Variants in IRS2 observed in about 807,000 individuals in gnomAD.
The protein encoded by IRS2 is insulin receptor substrate 2.
Under a neutral mutation model 70.9 loss-of-function variants are expected in IRS2, and 28 were observed. That is an observed-to-expected ratio of 0.39 (90% confidence interval 0.29 to 0.54). IRS2 has a LOEUF of 0.54. IRS2 is among the 20% of genes least tolerant of loss of function. The pLI, the probability that IRS2 is intolerant of heterozygous loss-of-function variation, is 0.59. For synonymous variants in IRS2, 1,217 were observed against 981.9 expected (o/e 1.24, Z -4.48); for missense variants, 2,081 against 2,024.1 (o/e 1.03, Z -0.54).
rs985325000 is a variant in IRS2 at position 109,783,448 on chromosome 13, G to A, written c.2606C>T (p.Pro869Leu). 5.9e-6 allele frequency: 9 copies of A among 1,532,960 alleles called. No individual in the cohort carries two copies. In the African/African-American group the frequency reaches 8.3e-5, roughly 14 times the overall value. The allele number at this position is 1,532,960 out of a possible 1,614,324, so 95.0% of individuals were successfully genotyped here. A position where few individuals can be genotyped will look rare whatever the true frequency, so the allele number is the denominator to read the frequency against. The change falls in exon 1 of 2, where the codon CCC (proline) becomes CTC (leucine). Residue 869 changes from proline to leucine, a missense_variant. Pro to Leu is a moderately conservative substitution (Grantham distance 98). This residue lies in a region of IRS2 where 1,615 missense variants were observed against 1,459.5 expected (regional missense o/e 1.11). Coordinates refer to ENST00000375856, the MANE Select transcript of IRS2 (RefSeq NM_003749.3). Reference protein sequence around the residue: ...TQPPHPVVPSPVRPSGGRPEG... With the variant: ...TQPPHPVVPSLVRPSGGRPEG... ...CGGGCGGCCGCCGCTAGGCCGCACG[G>A]GCGAAGGCACTACAGGGTGAGGGGG... is the stretch of plus-strand genomic sequence containing the variant.
chr13:109,756,174 T>C lies in IRS2; in HGVS notation c.*130A>G, dbSNP rs2138908234. 2.9e-5 allele frequency: 24 copies of C among 823,580 alleles called. No individual in the cohort carries two copies. The South Asian group carries it at 3.1e-4, about 11-fold the overall frequency. 51.0% of individuals were successfully genotyped at this position (823,580 alleles called of 1,614,324 possible). ...CTCATCTAACAGAGTCCACAGATGT[T>C]TCCAAACACAGTCATTGCTCAGATC... On this transcript the variant is annotated 3_prime_UTR_variant, in exon 2 of 2. Transcript: ENST00000375856.
At chr13:109,772,821 G>A (rs113046169) in intron 1 of IRS2, among the ~76,000 whole-genome samples, 4,251 of 150,152 alleles carry the variant, frequency 0.028, 182 homozygotes, top group African/African-American at 0.097. Flanking sequence ...TCAGCCTCCC[G>A]AGTAGCTGGG....
Position 109,785,109 on chromosome 13 carries a change from G to T in IRS2, c.945C>A (p.His315Gln). The change falls in exon 1 of 2, where the codon CAC becomes CAA. Residue 315 changes from histidine (H) to glutamine (Q), a missense_variant. Coordinates refer to ENST00000375856, the MANE Select transcript of IRS2 (RefSeq NM_003749.3). The surrounding 1 kb of genome is among the most constrained non-coding windows in gnomAD (Gnocchi z 9.3). ...KSQSSGSSAT[H>Q]PISVPGARRH... is the part of the protein sequence containing the mutation. Reference sequence around the variant, plus strand: ...GGCGCGCGCCGGGGACGCTGATGGGGTGCGTGGCCGACGACCCCGACGATT... The same window carrying T: ...GGCGCGCGCCGGGGACGCTGATGGGTTGCGTGGCCGACGACCCCGACGATT... The T allele has an allele frequency of 6.3e-7, 1 of 1,591,444 alleles. No homozygotes were observed. The highest frequency in any genetic ancestry group is 8.5e-7 in the Non-Finnish European group (1 of 1,170,088).
chr13:109,759,462 G>T (rs1877182123), intron 1 of IRS2, among the ~76,000 whole-genome samples: 1 of 152,208 alleles, frequency 6.6e-6, no homozygotes, highest in Admixed American at 6.5e-5. Flanking sequence ...GCACACCTCA[G>T]ATTGGACCCA....
chr13:109,773,423 A>G (rs1877502178), intron 1 of IRS2, among the ~76,000 whole-genome samples: 1 of 152,218 alleles, frequency 6.6e-6, no homozygotes, highest in Admixed American at 6.5e-5. Context: ...TTATAGAACA[A>G]GCACCTGTCT....
In IRS2 at chr13:109,783,827, T is replaced by G. The variant is rs1424699751; in HGVS notation, c.2227A>C (p.Met743Leu). The change falls in exon 1 of 2, where the codon ATG becomes CTG. Residue 743 changes from methionine to leucine, a missense_variant. By Grantham distance (15) the Met-to-Leu change is conservative. Around this residue, in one of 4 missense-constraint regions of IRS2, gnomAD observed 1,615 missense variants for 1,459.5 expected, o/e 1.11. Transcript: ENST00000375856. Reference sequence around the variant, plus strand: ...AGCTTGGAACCGCACCACATGCGCATGTACCCACTGTCCTCGGGGGAGCTC... The same window carrying G: ...AGCTTGGAACCGCACCACATGCGCAGGTACCCACTGTCCTCGGGGGAGCTC... ...AESSPEDSGYMRMWCGSKLSM... is the reference protein window; with the variant it reads ...AESSPEDSGYLRMWCGSKLSM... The G allele has an allele frequency of 6.3e-7, 1 of 1,586,544 alleles. No homozygotes were observed. Among genetic ancestry groups the G allele is most frequent in the Admixed American group, 1.8e-5 (1 of 57,020 alleles).
In IRS2 at chr13:109,783,308, G is replaced by T. The variant is rs922485578; in HGVS notation, c.2746C>A (p.Pro916Thr). 1.3e-6 allele frequency: 2 copies of T among 1,546,726 alleles called. No individual in the cohort carries two copies. Among genetic ancestry groups the T allele is most frequent in the African/African-American group, 2.8e-5 (2 of 70,622 alleles). Reference protein sequence around the residue: ...EYPLPPEPKSPGEYINIDFGE... With the variant: ...EYPLPPEPKSTGEYINIDFGE... ...AAGTCGATGTTGATGTACTCGCCGG[G>T]GCTCTTGGGCTCCGGTGGCAGTGGG... Residue 916 changes from proline (P) to threonine (T), a missense_variant, in exon 1 of 2, where the codon CCC becomes ACC. Physicochemically the swap from Pro to Thr is conservative, Grantham distance 38. Coordinates refer to ENST00000375856, the MANE Select transcript of IRS2 (RefSeq NM_003749.3).
Position 109,784,584 on chromosome 13 carries a change from G to A in IRS2, c.1470C>T (p.Gly490=). The change falls in exon 1 of 2, where the codon GGC becomes GGT. Residue 490 remains glycine (G), a synonymous_variant. Transcript: ENST00000375856. The surrounding 1 kb of genome is among the most constrained non-coding windows in gnomAD (Gnocchi z 5.2). ...ACATGAAGCCGGGGTCGCTGGGGGA[G>A]CCCGAGGCGGAGGCGCTGCCGCTGG... ...RPSSGSASAS[G]SPSDPGFMSL... is the part of the protein sequence containing the mutation. 1 of 1,373,136 alleles carries A rather than the reference G, an allele frequency of 7.3e-7. No homozygotes were observed. The highest frequency in any genetic ancestry group is 9.4e-7 in the Non-Finnish European group (1 of 1,068,786). The allele number at this position is 1,373,136 out of a possible 1,614,324, so 85.1% of individuals were successfully genotyped here. A position where few individuals can be genotyped will look rare whatever the true frequency, so the allele number is the denominator to read the frequency against.
intron 1 of IRS2, among the ~76,000 whole-genome samples, chr13:109,768,523 A>G (rs535609842): frequency 6.6e-6 from 1 of 152,350 alleles, no homozygotes; most frequent in East Asian, 1.9e-4. Context: ...TTGGAATAAT[A>G]CTTTTTCTGC....
intron 1 of IRS2, among the ~76,000 whole-genome samples, chr13:109,776,395 A>G (rs932325141): frequency 1.3e-5 from 2 of 152,244 alleles, no homozygotes; most frequent in African/African-American, 2.4e-5. Context: ...TTGGACACAT[A>G]AAAGTGACTC....
intron 1 of IRS2, among the ~76,000 whole-genome samples, chr13:109,761,248 A>AATTCAT (rs1439053835): frequency 5.3e-5 from 8 of 152,264 alleles, no homozygotes; most frequent in Non-Finnish European, 1.2e-4. Flanking sequence ...GACCACCCAG[A>AATTCAT]GGCCAAATTC....
At chr13:109,760,145 G>A (rs1877196134) in intron 1 of IRS2, among the ~76,000 whole-genome samples, 1 of 152,106 alleles carries the variant, frequency 6.6e-6, no homozygotes, top group Non-Finnish European at 1.5e-5. Flanking sequence ...AAATTTATTT[G>A]TTGTATTATC....
At position 109,785,076 on chromosome 13, in the gene IRS2, G is replaced by A. The variant is rs760275121; in HGVS notation, c.978C>T (p.His326=). ...GGCTGGGGGGCAGGTTGACCAGGTG[G>A]TGGTGGCGGCGCGCGCCGGGGACGC... ...PISVPGARRH[H]HLVNLPPSQT... is the part of the protein sequence containing the mutation. The change falls in exon 1 of 2, where the codon CAC becomes CAT. Residue 326 remains histidine (H), a synonymous_variant. Transcript: ENST00000375856. The surrounding 1 kb of genome is among the most constrained non-coding windows in gnomAD (Gnocchi z 9.3). 2 of 1,576,726 alleles carry A rather than the reference G, an allele frequency of 1.3e-6. No homozygotes were observed. The highest frequency in any genetic ancestry group is 1.2e-5 in the South Asian group (1 of 86,860).
rs1877799840 is a variant in IRS2 at position 109,783,610 on chromosome 13, G to C, written c.2444C>G (p.Thr815Ser). ...GTACTGGTCGCTGTCCCCGCCACAG[G>C]TGTAGGGGGCCTTGTAGGAGCGGGG... ...SLPRSYKAPY[T>S]CGGDSDQYVL... Residue 815 changes from threonine (T) to serine (S), a missense_variant, in exon 1 of 2, where the codon ACC becomes AGC. Physicochemically the swap from Thr to Ser is moderately conservative, Grantham distance 58 (BLOSUM62 1). Transcript: ENST00000375856. 1 of 1,549,354 alleles carries C rather than the reference G, an allele frequency of 6.5e-7. No homozygotes were observed. Among genetic ancestry groups the C allele is most frequent in the East Asian group, 2.4e-5 (1 of 41,148 alleles).
chr13:109,782,753 G>A lies in IRS2; in HGVS notation c.3301C>T (p.Pro1101Ser), dbSNP rs762108805. 6.2e-7 allele frequency: 1 copy of A among 1,601,492 alleles called. No homozygotes were observed. Among genetic ancestry groups the A allele is most frequent in the Non-Finnish European group, 8.5e-7 (1 of 1,174,590 alleles). Reference protein sequence around the residue: ...PKPEAARVASPTSGVKRLSLM... With the variant: ...PKPEAARVASSTSGVKRLSLM... ...CTCAGCCTCTTCACGCCCGACGTCG[G>A]GCTGGCCACGCGGGCAGCTTCTGGC... The change falls in exon 1 of 2, where the codon CCG becomes TCG. Residue 1101 changes from proline to serine, a missense_variant. Physicochemically the swap from Pro to Ser is moderately conservative, Grantham distance 74 (BLOSUM62 -1). Coordinates refer to ENST00000375856, the MANE Select transcript of IRS2 (RefSeq NM_003749.3).
intron 1 of IRS2, among the ~76,000 whole-genome samples, chr13:109,761,563 AC>A: frequency 6.6e-6 from 1 of 151,052 alleles, no homozygotes; most frequent in African/African-American, 2.4e-5. Flanking sequence ...TCCAGACTTT[AC>A]TAAAGCAAGA....
Position 109,785,331 on chromosome 13 carries a change from C to T in IRS2, c.723G>A (p.Gln241=). 4 of 1,610,922 alleles carry T rather than the reference C, an allele frequency of 2.5e-6. 1 individual carries two copies. In the African/African-American group the frequency reaches 4.0e-5, roughly 16 times the overall value. ...LNCEQPSVTL[Q]LMNIRRCGHS... The stretch of plus-strand genomic sequence containing the variant: ...GGCCGCAGCGGCGGATGTTCATGAG[C>T]TGCAGCGTCACCGACGGCTGCTCGC... The change falls in exon 1 of 2, where the codon CAG becomes CAA. Residue 241 remains glutamine (Q), a synonymous_variant. Transcript: ENST00000375856. This position sits in a 1 kb window ranked among gnomAD's most constrained non-coding sequence, Gnocchi z 9.3.
rs2138934911 is a variant in IRS2, at chr13:109,784,148, C to T, written c.1906G>A (p.Glu636Lys). ...HPYPEDYGDIEIGSHRSSSSN... is the reference protein window; with the variant it reads ...HPYPEDYGDIKIGSHRSSSSN... The stretch of plus-strand genomic sequence containing the variant: ...CTGGAGCTCCTGTGGGAGCCGATCT[C>T]GATGTCTCCGTAGTCCTCTGGGTAG... The change falls in exon 1 of 2, where the codon GAG becomes AAG. Residue 636 changes from glutamate (E) to lysine (K), a missense_variant. Around this residue, in one of 4 missense-constraint regions of IRS2, gnomAD observed 1,615 missense variants for 1,459.5 expected, o/e 1.11. Transcript: ENST00000375856. The surrounding 1 kb of genome is among the most constrained non-coding windows in gnomAD (Gnocchi z 5.2). The T allele has an allele frequency of 3.8e-6, 6 of 1,592,108 alleles. No homozygotes were observed. Among genetic ancestry groups the T allele is most frequent in the Non-Finnish European group, 5.1e-6 (6 of 1,175,372 alleles).
At position 109,784,208 on chromosome 13, in the gene IRS2, A is replaced by G. The variant is rs1877836518; in HGVS notation, c.1846T>C (p.Cys616Arg). Reference protein sequence around the residue: ...SGSAGRLCPSCPASSPKVAYH... With the variant: ...SGSAGRLCPSRPASSPKVAYH... Reference sequence around the variant, plus strand: ...GCCACCTTGGGAGAGGACGCGGGGCAGGACGGGCAGAGGCGGCCCGCGCTG... The same window carrying G: ...GCCACCTTGGGAGAGGACGCGGGGCGGGACGGGCAGAGGCGGCCCGCGCTG... Residue 616 changes from cysteine (C) to arginine (R), a missense_variant, in exon 1 of 2, where the codon TGC becomes CGC. Physicochemically the swap from Cys to Arg is radical, Grantham distance 180 (BLOSUM62 -3). Coordinates refer to ENST00000375856, the MANE Select transcript of IRS2 (RefSeq NM_003749.3). The surrounding 1 kb of genome is among the most constrained non-coding windows in gnomAD (Gnocchi z 5.2). The G allele has an allele frequency of 6.4e-7, 1 of 1,573,262 alleles. No homozygotes were observed. The highest frequency in any genetic ancestry group is 8.6e-7 in the Non-Finnish European group (1 of 1,159,826).
Sources: gnomAD v4.1 joint callset for allele counts (sites outside exome capture counted in the v4.1 genomes callset) on GRCh38, gnomAD v4.1.1 for gene constraint, gnomAD v4.1.1 regional missense constraint, Gnocchi (gnomAD v3.1) non-coding constraint, MANE v1.5 for transcripts, NCBI Gene and HGNC (gene_info 2026-07-23, HGNC 2026-07-21) for gene names.